Variants in ACSM6 observed in about 807,000 individuals in gnomAD.
The protein encoded by ACSM6 is acyl-coenzyme A synthetase ACSM6, mitochondrial.
In ACSM6, 35 loss-of-function variants were observed where a neutral mutation model predicts 51.1. That is an observed-to-expected ratio of 0.69 (90% confidence interval 0.52 to 0.91). The LOEUF (loss-of-function observed/expected upper bound fraction) is 0.91. ACSM6 is among the 40% of genes least tolerant of loss of function. The pLI is 0.00. For synonymous variants in ACSM6, 172 were observed against 207.3 expected (o/e 0.83, Z 1.46); for missense variants, 509 against 584.1 (o/e 0.87, Z 1.32).
rs1392692410 is a variant in ACSM6 at position 95,197,200 on chromosome 10, G to A, written c.192+2523G>A. Among the ~76,000 whole-genome samples the A allele has an allele frequency of 3.3e-5, 5 of 152,106 alleles. No individual in the cohort carries two copies. In the East Asian group the frequency reaches 9.6e-4, roughly 29 times the overall value. ...TCATCAGTAAATTCTATCATGAAGG[G>A]GTGGCCTGCCCCTCCACATCTGTGG... On this transcript the variant is annotated intron_variant, in intron 2 of 10. Transcript: ENST00000341686.
intron 9 of ACSM6, among the ~76,000 whole-genome samples, chr10:95,220,931 G>A (rs189460358): frequency 1.3e-4 from 19 of 151,782 alleles, no homozygotes; most frequent in South Asian, 1.0e-3. Context: ...TTAAATTTTC[G>A]TTGCATTTCT....
At chr10:95,204,748 A>G (rs7918727) in intron 3 of ACSM6, among the ~76,000 whole-genome samples, 2,856 of 152,294 alleles carry the variant, frequency 0.019, 93 homozygotes, top group African/African-American at 0.063. Context: ...CTTAAGTATT[A>G]GAAGAATATA....
At chr10:95,222,212 A>C (rs1235078409) in intron 9 of ACSM6, among the ~76,000 whole-genome samples, 1 of 152,246 alleles carries the variant, frequency 6.6e-6, no homozygotes, top group Non-Finnish European at 1.5e-5. Context: ...AAAAGTCTAA[A>C]GATTAACCAA....
intron 7 of ACSM6, among the ~76,000 whole-genome samples, chr10:95,213,894 T>C (rs2034919630): frequency 6.6e-6 from 1 of 152,212 alleles, no homozygotes; most frequent in Non-Finnish European, 1.5e-5. Context: ...TATTAAATTA[T>C]GTTGACATGA....
chr10:95,198,204 T>A lies in ACSM6; in HGVS notation c.192+3527T>A, dbSNP rs560601916. Among the ~76,000 whole-genome samples, 14 of 152,144 alleles carry A rather than the reference T, an allele frequency of 9.2e-5. 1 individual carries two copies. The South Asian group carries it at 2.9e-3, about 32-fold the overall frequency. Reference sequence around the variant, plus strand: ...ACATAGACACAGTAACAGTCTGATCTCTCTTTCTTTTCCCTACATATCACC... The same window carrying A: ...ACATAGACACAGTAACAGTCTGATCACTCTTTCTTTTCCCTACATATCACC... On this transcript the variant is annotated intron_variant, in intron 2 of 10. Transcript: ENST00000341686.
intron 2 of ACSM6, among the ~76,000 whole-genome samples, chr10:95,199,397 C>G (rs1244351253): frequency 1.3e-5 from 2 of 152,054 alleles, no homozygotes; most frequent in Non-Finnish European, 1.5e-5. Context: ...CCATAAAAAC[C>G]CTAGAAGAAA....
At chr10:95,194,393 C>A in intron 1 of ACSM6, 72 bp from the exon 2 acceptor site, 2 of 1,190,740 alleles carry the variant, frequency 1.7e-6, no homozygotes, top group Non-Finnish European at 2.4e-6. Flanking sequence ...GATTCATTCT[C>A]AGCACTACAA....
intron 8 of ACSM6, among the ~76,000 whole-genome samples, chr10:95,216,358 C>G (rs1185334276): frequency 6.6e-6 from 1 of 152,074 alleles, no homozygotes; most frequent in Non-Finnish European, 1.5e-5. Context: ...GGAATTAGCA[C>G]ATAAATTTTG....
chr10:95,212,754 C>A, intron 6 of ACSM6, 104 bp from the exon 7 acceptor site: 1 of 851,946 alleles, frequency 1.2e-6, no homozygotes, highest in South Asian at 1.4e-5. Flanking sequence ...GTTTCAAAGT[C>A]TGTGACCCTC....
intron 2 of ACSM6, among the ~76,000 whole-genome samples, chr10:95,200,558 A>AGAAGAGGAAGAG (rs71034320): frequency 2.0e-5 from 3 of 148,346 alleles, no homozygotes; most frequent in Non-Finnish European, 4.5e-5. Context: ...AGAAGAAGAA[A>AGAAGAGGAAGAG]GAAGAGGAAG....
intron 8 of ACSM6, among the ~76,000 whole-genome samples, chr10:95,215,926 T>A (rs2034939663): frequency 6.6e-6 from 1 of 152,094 alleles, no homozygotes; most frequent in South Asian, 2.1e-4. Flanking sequence ...TCTTTCAGTT[T>A]GTTTGTTTGT....
exon 9 of ACSM6, chr10:95,219,895 T>C (rs763373086): frequency 6.2e-7 from 1 of 1,613,284 alleles, no homozygotes; most frequent in Non-Finnish European, 8.5e-7. Flanking sequence ...GAACAGGGTC[T>C]ACTCTGTGCC....
intron 8 of ACSM6, among the ~76,000 whole-genome samples, chr10:95,217,847 A>T (rs1331444329): frequency 1.3e-5 from 2 of 152,242 alleles, no homozygotes; most frequent in African/African-American, 4.8e-5. Flanking sequence ...ACAAGGTTCA[A>T]AACTTTGAGA....
At chr10:95,201,989 G>A (rs1253693135) in exon 3 of ACSM6, 7 of 1,551,342 alleles carry the variant, frequency 4.5e-6, no homozygotes, top group Non-Finnish European at 6.1e-6. Flanking sequence ...GCCTAGGACG[G>A]ACTCAGAGGG....
At chr10:95,199,027 A>AG (rs2034764279) in intron 2 of ACSM6, among the ~76,000 whole-genome samples, 3 of 151,582 alleles carry the variant, frequency 2.0e-5, no homozygotes, top group African/African-American at 7.3e-5. Context: ...GGAACCAAAA[A>AG]AGCCTGCATT....
At chr10:95,210,558 T>C in intron 4 of ACSM6, 92 bp from the exon 5 acceptor site, 1 of 1,310,848 alleles carries the variant, frequency 7.6e-7, no homozygotes, top group Non-Finnish European at 1.0e-6. Flanking sequence ...GCTGTTATTT[T>C]TTAAAATCAG....
At chr10:95,223,233 TTCTA>T (rs978759150) in intron 9 of ACSM6, among the ~76,000 whole-genome samples, 1 of 151,154 alleles carries the variant, frequency 6.6e-6, no homozygotes, top group East Asian at 1.9e-4. Context: ...TTGCGGTGAA[TTCTA>T]TCTAACATTT....
intron 2 of ACSM6, among the ~76,000 whole-genome samples, chr10:95,196,995 C>T (rs2034732668): frequency 6.6e-6 from 1 of 152,030 alleles, no homozygotes; most frequent in South Asian, 2.1e-4. Flanking sequence ...ATTTACATTA[C>T]CAGAAGTGAA....
chr10:95,219,852 CT>C, intron 8 of ACSM6, 38 bp from the exon 9 acceptor site: 1 of 1,522,610 alleles, frequency 6.6e-7, no homozygotes, highest in Non-Finnish European at 9.1e-7. Flanking sequence ...TAATTTATTG[CT>C]TTTTTAAAGA....
Sources: allele counts gnomAD v4.1 joint callset (sites outside exome capture counted in the v4.1 genomes callset), GRCh38; gene constraint gnomAD v4.1.1; transcripts MANE v1.5; gene names NCBI Gene and HGNC (gene_info 2026-07-23, HGNC 2026-07-21).